The following EBF3 variants were observed in gnomAD, a reference collection of about 807,000 sequenced individuals.
EBF3 encodes the protein transcription factor COE3.
Under a neutral mutation model 77.1 loss-of-function variants are expected in EBF3, and 18 were observed. That is an observed-to-expected ratio of 0.23 (90% CI 0.16 to 0.35). The LOEUF (loss-of-function observed/expected upper bound fraction) is 0.35. Among genes scored for constraint, EBF3 ranks in the 10% least tolerant of loss-of-function variants. The pLI, the probability that EBF3 is intolerant of heterozygous loss-of-function variation, is 1.00. For synonymous variants in EBF3, 350 were observed against 343.5 expected, an observed-to-expected ratio of 1.02 and a Z score of -0.21; for missense variants, 558 against 860.0, an observed-to-expected ratio of 0.65 and a Z score of 4.39.
intron 6 of EBF3, among the ~76,000 whole-genome samples, chr10:129,939,493 T>C (rs940062102): frequency 6.6e-6 from 1 of 152,266 alleles, no homozygotes; most frequent in African/African-American, 2.4e-5. Flanking sequence ...AGATCTCATT[T>C]AAAGACTTGG....
chr10:129,915,375 G>A (rs563760382), intron 6 of EBF3, among the ~76,000 whole-genome samples: 7 of 152,044 alleles, frequency 4.6e-5, no homozygotes, highest in African/African-American at 1.7e-4. Flanking sequence ...AACTCCCAAA[G>A]TTACTATTAC....
In EBF3 at chr10:129,843,097, T is replaced by TC. The variant is rs1554893157; in HGVS notation, c.1194+39_1194+40insG. 1.3e-5 allele frequency: 20 copies of TC among 1,586,378 alleles called. No individual in the cohort carries two copies. In the African/African-American group the frequency reaches 1.9e-4, roughly 15 times the overall value. ...CGCCGGCTGCCCACGGGTTCTGGCA[T>TC]GGGGGGGAGGATGGGCGAGGGGAGC... On this transcript the variant is annotated intron_variant, in intron 12 of 16. Transcript: ENST00000440978.
Position 129,879,545 on chromosome 10 carries a change from A to G in EBF3, c.555-1696T>C, listed in dbSNP as rs1022000597. ...GAAGAAAATCCAATTGATGGGGGAAAGAGTGGTGGCCACTTAATTAAATTT... is the reference window on the plus strand; with the variant it reads ...GAAGAAAATCCAATTGATGGGGGAAGGAGTGGTGGCCACTTAATTAAATTT... On this transcript the variant is annotated intron_variant, in intron 6 of 16. Transcript: ENST00000440978. This position sits in a 1 kb window ranked among gnomAD's most constrained non-coding sequence, Gnocchi z 4.7. Among the ~76,000 whole-genome samples, 1 of 152,210 alleles carries G rather than the reference A, an allele frequency of 6.6e-6. No individual in the cohort carries two copies. The highest frequency in any genetic ancestry group is 2.4e-5 in the African/African-American group (1 of 41,448).
At chr10:129,920,531 TG>T (rs1275529490) in intron 6 of EBF3, among the ~76,000 whole-genome samples, 1 of 152,222 alleles carries the variant, frequency 6.6e-6, no homozygotes, top group African/African-American at 2.4e-5. Context: ...CTGACCCAGC[TG>T]GGGCGCTAGC....
At chr10:129,838,267 C>T (rs971890529) in intron 16 of EBF3, among the ~76,000 whole-genome samples, 1 of 152,254 alleles carries the variant, frequency 6.6e-6, no homozygotes, top group Non-Finnish European at 1.5e-5. Context: ...TGCAGCTTCC[C>T]CACACTGACC....
At chr10:129,949,410 A>C (rs1858490741) in intron 6 of EBF3, among the ~76,000 whole-genome samples, 1 of 152,232 alleles carries the variant, frequency 6.6e-6, no homozygotes, top group East Asian at 1.9e-4. Context: ...TCCAGTGCCA[A>C]GAAGACTAAG....
chr10:129,910,746 C>T (rs750397754), intron 6 of EBF3, among the ~76,000 whole-genome samples: 2 of 152,094 alleles, frequency 1.3e-5, no homozygotes, highest in Admixed American at 6.5e-5. Flanking sequence ...ACCTTCAGCA[C>T]GCTCTAGCCC....
intron 11 of EBF3, 90 bp from the exon 12 acceptor site, chr10:129,843,292 G>A: frequency 7.2e-7 from 1 of 1,383,682 alleles, no homozygotes; most frequent in South Asian, 1.3e-5. Context: ...CGGGTGTGGA[G>A]ACCAGTCCCC....
chr10:129,901,158 T>C (rs190667141), intron 6 of EBF3, among the ~76,000 whole-genome samples: 32 of 152,336 alleles, frequency 2.1e-4, no homozygotes, highest in Admixed American at 1.9e-3. Flanking sequence ...CTCATCCAAG[T>C]GGCTGTGGCC....
chr10:129,912,999 G>C (rs918695146), intron 6 of EBF3, among the ~76,000 whole-genome samples: 16 of 152,280 alleles, frequency 1.1e-4, no homozygotes, highest in African/African-American at 2.2e-4. Context: ...CCCTTCTTGG[G>C]GGAAGAGCAG....
intron 10 of EBF3, among the ~76,000 whole-genome samples, chr10:129,855,339 C>T (rs1343860120): frequency 6.6e-6 from 1 of 152,236 alleles, no homozygotes; most frequent in East Asian, 1.9e-4. Context: ...AAGGGGACAG[C>T]TCATCTTCCT....
intron 6 of EBF3, among the ~76,000 whole-genome samples, chr10:129,901,290 G>A (rs555773645): frequency 6.6e-6 from 1 of 152,308 alleles, no homozygotes; most frequent in South Asian, 2.1e-4. Context: ...TTGCAGGCCA[G>A]AGGAATGCAT....
chr10:129,954,824 C>T (rs1858925043), intron 6 of EBF3, among the ~76,000 whole-genome samples: 1 of 152,162 alleles, frequency 6.6e-6, no homozygotes, highest in Non-Finnish European at 1.5e-5. Flanking sequence ...TGGAAACTGA[C>T]TCCCCAGTCT....
At chr10:129,902,060 C>A (rs1210761791) in intron 6 of EBF3, among the ~76,000 whole-genome samples, 1 of 152,134 alleles carries the variant, frequency 6.6e-6, no homozygotes, top group Non-Finnish European at 1.5e-5. Flanking sequence ...AAATCTACAG[C>A]CTGTGCCTAC....
intron 9 of EBF3, 122 bp downstream of exon 9, chr10:129,867,660 G>A: frequency 5.4e-6 from 8 of 1,488,536 alleles, no homozygotes; most frequent in Admixed American, 1.9e-5. Flanking sequence ...CAGGCGAACA[G>A]TGCAGTGTGT....
At position 129,884,231 on chromosome 10, in the gene EBF3, C is replaced by T. The variant is rs574050938; in HGVS notation, c.555-6382G>A. Among the ~76,000 whole-genome samples the T allele has an allele frequency of 3.9e-5, 6 of 152,134 alleles. No homozygotes were observed. The South Asian group carries it at 1.3e-3, about 32-fold the overall frequency. On this transcript the variant is annotated intron_variant, in intron 6 of 16. Transcript: ENST00000440978. ...GTATTGATTACTGAGCAATTCTAGC[C>T]GATCGGGTTCGGGCGCTTCAGAGAC...
intron 6 of EBF3, among the ~76,000 whole-genome samples, chr10:129,949,528 G>A (rs1199992157): frequency 1.3e-5 from 2 of 152,158 alleles, no homozygotes; most frequent in African/African-American, 4.8e-5. Flanking sequence ...CTTTGATGCA[G>A]GCCCCATCAC....
At position 129,878,448 on chromosome 10, in the gene EBF3, G is replaced by A. The variant is rs185138656; in HGVS notation, c.555-599C>T. On this transcript the variant is annotated intron_variant, in intron 6 of 16. Coordinates refer to ENST00000440978, the MANE Select transcript of EBF3 (RefSeq NM_001375380.1). ...CTTTGGGAGGCTGAGGTGGGCAGAT[G>A]ACTTGAGGTCAGGAGTTCGAGACAA... Among the ~76,000 whole-genome samples the A allele has an allele frequency of 2.7e-3, 409 of 152,038 alleles. 2 individuals are homozygous for A. Among genetic ancestry groups the A allele is most frequent in the African/African-American group, 9.5e-3 (394 of 41,476 alleles).
intron 3 of EBF3, 51 bp from the exon 4 acceptor site, chr10:129,962,277 G>A (rs890245074): frequency 3.8e-6 from 6 of 1,581,222 alleles, no homozygotes; most frequent in South Asian, 2.2e-5. Flanking sequence ...GCTGCACCTC[G>A]GGGAGGGCAC....
Sources: gnomAD v4.1 joint callset for allele counts (sites outside exome capture counted in the v4.1 genomes callset) on GRCh38, gnomAD v4.1.1 for gene constraint, Gnocchi (gnomAD v3.1) non-coding constraint, MANE v1.5 for transcripts, NCBI Gene and HGNC (gene_info 2026-07-23, HGNC 2026-07-21) for gene names.